PKD2L1: variants seen among roughly 807,000 people sequenced by gnomAD.
PKD2L1 encodes polycystin 2 like 1, transient receptor potential cation channel, also known as polycystin-2-like protein 1.
Under a neutral mutation model 93.0 loss-of-function variants are expected in PKD2L1, and 77 were observed. The observed-to-expected ratio is 0.83, with a 90% CI of 0.69 to 1.00. The LOEUF is 1.00. PKD2L1 is among the 50% of genes least tolerant of loss of function. PKD2L1 has a pLI of 0.00. For synonymous variants in PKD2L1, 390 were observed against 388.0 expected (o/e 1.01, Z -0.06); for missense variants, 977 against 990.9 (o/e 0.99, Z 0.19).
Position 100,321,612 on chromosome 10 carries a change from G to A in PKD2L1, c.349+7599C>T, listed in dbSNP as rs1392762606. Among the ~76,000 whole-genome samples, 10 of 142,842 alleles carry A rather than the reference G, an allele frequency of 7.0e-5. No individual in the cohort carries two copies. The South Asian group carries it at 8.9e-4, about 13-fold the overall frequency. The allele number at this position is 142,842 out of a possible 152,430, so 93.7% of individuals were successfully genotyped here. ...TTGCTTGAGCCTAGGAGGTTGAGCT[G>A]TAGTGAGCTGAAATCGTGCCACTGC... On this transcript the variant is annotated intron_variant, in intron 2 of 15. Transcript: ENST00000318222.
intron 9 of PKD2L1, 108 bp from the exon 10 acceptor site, chr10:100,293,487 T>C (rs1848452815): frequency 4.1e-6 from 3 of 730,362 alleles, no homozygotes; most frequent in Admixed American, 4.0e-5. Context: ...GGGTCAGTGC[T>C]CTCAACCCCA....
chr10:100,297,471 C>A lies in PKD2L1; in HGVS notation c.867G>T (p.Gln289His). Residue 289 changes from glutamine (Q) to histidine (H), a missense_variant, in exon 5 of 16, where the codon CAG becomes CAT. Transcript: ENST00000318222. ...TGCCCCTGTCCAGCCACAGCCCCTCCTGAAGGGCCCGGAGAGCCTCTGCAC... is the reference window on the plus strand; with the variant it reads ...TGCCCCTGTCCAGCCACAGCCCCTCATGAAGGGCCCGGAGAGCCTCTGCAC... Reference protein sequence around the residue: ...QGSAEALRALQEGLWLDRGTR... With the variant: ...QGSAEALRALHEGLWLDRGTR... The A allele has an allele frequency of 6.2e-7, 1 of 1,614,172 alleles. No homozygotes were observed. Among genetic ancestry groups the A allele is most frequent in the Non-Finnish European group, 8.5e-7 (1 of 1,180,010 alleles).
At chr10:100,291,226 G>A in intron 12 of PKD2L1, 75 bp downstream of exon 12, 1 of 1,497,510 alleles carries the variant, frequency 6.7e-7, no homozygotes, top group Non-Finnish European at 9.1e-7. Context: ...GTGGGTTTGT[G>A]TTCTAGGTAT....
At chr10:100,302,658 C>T (rs569642515) in intron 2 of PKD2L1, among the ~76,000 whole-genome samples, 2 of 149,070 alleles carry the variant, frequency 1.3e-5, no homozygotes, top group Non-Finnish European at 3.0e-5. Flanking sequence ...GAGCCAAGAT[C>T]ATACCACTGG....
Position 100,329,975 on chromosome 10 carries a change from C to T in PKD2L1, c.129G>A (p.Thr43=), listed in dbSNP as rs141380062. The change falls in exon 1 of 16, where the codon ACG becomes ACA. Residue 43 remains threonine (T), a synonymous_variant. Transcript: ENST00000318222. ...TCTTGGGTTGGGGCTGGAGAGGCCC[C>T]GTGCTGGAGATGGTGCAGACTCTCA... is the stretch of plus-strand genomic sequence containing the variant. ...GTLRVCTISS[T]GPLQPQPKKP... 3.1e-6 allele frequency: 5 copies of T among 1,614,062 alleles called. No individual in the cohort carries two copies. Among genetic ancestry groups the T allele is most frequent in the Non-Finnish European group, 4.2e-6 (5 of 1,179,938 alleles).
intron 12 of PKD2L1, among the ~76,000 whole-genome samples, chr10:100,290,934 C>T (rs767551350): frequency 5.9e-5 from 9 of 152,172 alleles, no homozygotes; most frequent in Admixed American, 2.0e-4. Context: ...GAAGGCAAGT[C>T]CTCTGAGGGA....
rs1482901146 is a variant in PKD2L1 at position 100,321,892 on chromosome 10, G to GA, written c.349+7318dup. On this transcript the variant is annotated intron_variant, in intron 2 of 15. Transcript: ENST00000318222. ...GCAGGCAGGCAGGGAGGGAGGGAGGGAGGGAAGGAAGCAAGGAAGGAAGGA... is the reference window on the plus strand; with the variant it reads ...GCAGGCAGGCAGGGAGGGAGGGAGGGAAGGGAAGGAAGCAAGGAAGGAAGGA... Among the ~76,000 whole-genome samples, 204 of 43,158 alleles carry GA rather than the reference G, an allele frequency of 4.7e-3. 42 individuals carry two copies. The highest frequency in any genetic ancestry group is 0.013 in the Middle Eastern group (1 of 80). The allele number at this position is 43,158 out of a possible 152,430, so 28.3% of individuals were successfully genotyped here. A position where few individuals can be genotyped will look rare whatever the true frequency, so the allele number is the denominator to read the frequency against.
chr10:100,297,770 A>T (rs1329551008), intron 4 of PKD2L1, among the ~76,000 whole-genome samples, 164 bp from the exon 5 acceptor site: 1 of 151,870 alleles, frequency 6.6e-6, no homozygotes, highest in Admixed American at 6.6e-5. Context: ...ATATACATAT[A>T]TAATGTATCA....
chr10:100,289,097 T>A (rs756793826), intron 14 of PKD2L1, 41 bp from the exon 15 acceptor site: 8 of 1,420,014 alleles, frequency 5.6e-6, no homozygotes, highest in Middle Eastern at 1.8e-4. Context: ...GAAGAAATAG[T>A]TTGTGTACCA....
intron 2 of PKD2L1, among the ~76,000 whole-genome samples, chr10:100,302,394 C>G (rs11814847): frequency 0.033 from 5,039 of 151,750 alleles, 223 homozygotes; most frequent in African/African-American, 0.094. Context: ...CAAAGAAAAA[C>G]TAAAGAATTG....
At chr10:100,323,887 G>A (rs1046596769) in intron 2 of PKD2L1, among the ~76,000 whole-genome samples, 1 of 152,014 alleles carries the variant, frequency 6.6e-6, no homozygotes, top group Non-Finnish European at 1.5e-5. Context: ...GAGGGCAGTG[G>A]CATGATCTCA....
Position 100,296,291 on chromosome 10 carries a change from A to T in PKD2L1, c.1187T>A (p.Leu396His). The T allele has an allele frequency of 1.3e-6, 2 of 1,589,910 alleles. No individual in the cohort carries two copies. Among genetic ancestry groups the T allele is most frequent in the Middle Eastern group, 1.7e-4 (1 of 5,906 alleles). The change falls in exon 7 of 16, where the codon CTC becomes CAC. Residue 396 changes from leucine (L) to histidine (H), a missense_variant and splice_region_variant. Transcript: ENST00000318222. ...WNILDLVVIL[L>H]SIVAVGFHIF... Reference sequence around the variant, plus strand: ...GTGGAAGCCCACAGCCACAATGGAGAGCTGTCACACAGGGGTCATGGGGGT... The same window carrying T: ...GTGGAAGCCCACAGCCACAATGGAGTGCTGTCACACAGGGGTCATGGGGGT...
intron 2 of PKD2L1, among the ~76,000 whole-genome samples, chr10:100,312,729 G>T (rs1053345844): frequency 2.6e-5 from 4 of 152,086 alleles, no homozygotes; most frequent in Non-Finnish European, 5.9e-5. Flanking sequence ...GATTCAGTAT[G>T]GCTTTAGCTG....
chr10:100,293,056 G>T lies in PKD2L1; in HGVS notation c.1772C>A (p.Thr591Asn). 6.2e-7 allele frequency: 1 copy of T among 1,614,048 alleles called. No individual in the cohort carries two copies. The highest frequency in any genetic ancestry group is 1.1e-5 in the South Asian group (1 of 91,084). ...SDLLKQGYNKTLLRLRLRKER... is the reference protein window; with the variant it reads ...SDLLKQGYNKNLLRLRLRKER... ...CTTCCTCAGACGCAGTCTTAGTAGG[G>T]TCTTGTTGTAGCCCTGAAAGGGAAA... Residue 591 changes from threonine (T) to asparagine (N), a missense_variant, in exon 11 of 16, where the codon ACC becomes AAC. Coordinates refer to ENST00000318222, the MANE Select transcript of PKD2L1 (RefSeq NM_016112.3).
chr10:100,329,316 C>T lies in PKD2L1; in HGVS notation c.244G>A (p.Gly82Arg), dbSNP rs1417899858. Reference sequence around the variant, plus strand: ...GCTGTGTTCTCAGTCAGGGTTGTTCCCCAAAGTCCTAAGGGGCATGGGAGA... The same window carrying T: ...GCTGTGTTCTCAGTCAGGGTTGTTCTCCAAAGTCCTAAGGGGCATGGGAGA... ...HICQGIRGLW[G>R]TTLTENTAEN... Residue 82 changes from glycine (G) to arginine (R), a missense_variant, in exon 2 of 16, where the codon GGA becomes AGA. Coordinates refer to ENST00000318222, the MANE Select transcript of PKD2L1 (RefSeq NM_016112.3). The T allele has an allele frequency of 1.2e-6, 2 of 1,614,036 alleles. No individual in the cohort carries two copies.
At chr10:100,316,286 C>T (rs1431849522) in intron 2 of PKD2L1, among the ~76,000 whole-genome samples, 1 of 152,246 alleles carries the variant, frequency 6.6e-6, no homozygotes, top group Non-Finnish European at 1.5e-5. Flanking sequence ...AATTCTCCTG[C>T]CTCAGCCTCC....
At position 100,297,054 on chromosome 10, in the gene PKD2L1, T is replaced by C. The variant is rs1160652171; in HGVS notation, c.1111A>G (p.Ile371Val). The C allele has an allele frequency of 1.2e-6, 2 of 1,613,922 alleles. No homozygotes were observed. The highest frequency in any genetic ancestry group is 1.3e-5 in the African/African-American group (1 of 74,904). ...VFIFYYVVEEILELHIHRLRY... is the reference protein window; with the variant it reads ...VFIFYYVVEEVLELHIHRLRY... ...AGCCGGTGAATGTGGAGCTCCAGGA[T>C]CTCTTCCACCACATAGTAGAAGATG... Residue 371 changes from isoleucine (I) to valine (V), a missense_variant, in exon 6 of 16, where the codon ATC becomes GTC. Physicochemically the swap from Ile to Val is conservative, Grantham distance 29. Coordinates refer to ENST00000318222, the MANE Select transcript of PKD2L1 (RefSeq NM_016112.3).
chr10:100,300,204 G>T (rs574413184), intron 2 of PKD2L1, among the ~76,000 whole-genome samples: 1 of 152,254 alleles, frequency 6.6e-6, no homozygotes, highest in East Asian at 1.9e-4. Flanking sequence ...TGGTCTCATG[G>T]CCCCTGGTGT....
intron 7 of PKD2L1, among the ~76,000 whole-genome samples, chr10:100,295,905 G>A (rs1379180737): frequency 4.0e-5 from 6 of 151,352 alleles, no homozygotes; most frequent in African/African-American, 1.5e-4. Context: ...GCGTGGTGGT[G>A]GGTGCCTGTA....
Sources: gnomAD v4.1 joint callset for allele counts (sites outside exome capture counted in the v4.1 genomes callset) on GRCh38, gnomAD v4.1.1 for gene constraint, MANE v1.5 for transcripts, NCBI Gene and HGNC (gene_info 2026-07-23, HGNC 2026-07-21) for gene names.